Variants in CHN1 observed in about 807,000 individuals in gnomAD.
CHN1 encodes the protein chimerin 1, also known as N-chimaerin.
CHN1 carries 37 observed loss-of-function variants against 59.5 expected under a neutral mutation model. That is an observed-to-expected ratio of 0.62 (90% confidence interval 0.48 to 0.82). The LOEUF is 0.82. CHN1 is among the 40% of genes least tolerant of loss of function. The pLI, the probability that CHN1 is intolerant of heterozygous loss-of-function variation, is 0.00. For missense variants in CHN1, 469 were observed against 571.0 expected (o/e 0.82, Z 1.82); for synonymous variants, 206 against 200.4 (o/e 1.03, Z -0.24).
intron 11 of CHN1, among the ~76,000 whole-genome samples, chr2:174,803,896 T>C (rs1156386676): frequency 1.3e-5 from 2 of 152,080 alleles, no homozygotes; most frequent in African/African-American, 4.8e-5. Context: ...GCTACACAAA[T>C]CTGGAAATTA....
At chr2:174,909,309 C>T (rs1410895058) in intron 5 of CHN1, among the ~76,000 whole-genome samples, 1 of 152,078 alleles carries the variant, frequency 6.6e-6, no homozygotes, top group African/African-American at 2.4e-5. Flanking sequence ...AAAAGAAAAC[C>T]AGATTTTGTT....
At chr2:174,892,267 T>C (rs1439943603) in intron 5 of CHN1, among the ~76,000 whole-genome samples, 1 of 152,224 alleles carries the variant, frequency 6.6e-6, no homozygotes, top group Non-Finnish European at 1.5e-5. Context: ...AAATTAATGT[T>C]GAAACTTAAT....
At chr2:174,836,580 T>C (rs186295576) in intron 7 of CHN1, among the ~76,000 whole-genome samples, 3 of 152,328 alleles carry the variant, frequency 2.0e-5, no homozygotes, top group Non-Finnish European at 2.9e-5. Context: ...TCATATTCAG[T>C]AGGCTGTTCA....
intron 8 of CHN1, among the ~76,000 whole-genome samples, chr2:174,816,641 C>T (rs1260283914): frequency 6.6e-6 from 1 of 152,098 alleles, no homozygotes; most frequent in Admixed American, 6.5e-5. Flanking sequence ...AGGGAACTCG[C>T]TGCTAGGTTG....
chr2:174,843,810 T>C (rs1686399381), intron 7 of CHN1, among the ~76,000 whole-genome samples: 1 of 152,066 alleles, frequency 6.6e-6, no homozygotes, highest in Non-Finnish European at 1.5e-5. Context: ...GATTAAGCAA[T>C]TGACCCAAGG....
chr2:174,971,301 G>C (rs1690752910), intron 1 of CHN1, among the ~76,000 whole-genome samples: 1 of 152,198 alleles, frequency 6.6e-6, no homozygotes, highest in African/African-American at 2.4e-5. Flanking sequence ...CTGGGTGACA[G>C]AGCGTGACTC....
chr2:174,811,478 G>C (rs1685072009), intron 10 of CHN1, 33 bp downstream of exon 10: 1 of 1,477,488 alleles, frequency 6.8e-7, no homozygotes, highest in Admixed American at 1.8e-5. Flanking sequence ...GAGTATTATT[G>C]TCCTAAGTTA....
chr2:174,874,759 GGTGA>G (rs1369587282), intron 6 of CHN1, among the ~76,000 whole-genome samples: 7 of 152,058 alleles, frequency 4.6e-5, no homozygotes, highest in African/African-American at 1.7e-4. Context: ...ATAATGGCAG[GGTGA>G]TCAAATAAGT....
At chr2:174,929,502 C>T (rs139071296) in intron 3 of CHN1, among the ~76,000 whole-genome samples, 147 of 151,892 alleles carry the variant, frequency 9.7e-4, no homozygotes, top group African/African-American at 3.4e-3. Context: ...CACTTGAACT[C>T]GGGAGTTGGA....
intron 1 of CHN1, among the ~76,000 whole-genome samples, chr2:174,962,960 G>A (rs868632078): frequency 4.7e-4 from 71 of 151,970 alleles, no homozygotes; most frequent in African/African-American, 1.5e-3. Flanking sequence ...TGATATGTAC[G>A]ACTATTTAAA....
Position 174,915,229 on chromosome 2 carries a change from T to G in CHN1, c.147-58A>C. 9.4e-6 allele frequency: 12 copies of G among 1,280,738 alleles called. No individual in the cohort carries two copies. In the South Asian group the frequency reaches 1.5e-4, roughly 16 times the overall value. 79.3% of individuals were successfully genotyped at this position (1,280,738 alleles called of 1,614,324 possible). A position where few individuals can be genotyped will look rare whatever the true frequency, so the allele number is the denominator to read the frequency against. On this transcript the variant is annotated intron_variant, in intron 4 of 12. Coordinates refer to ENST00000409900, the MANE Select transcript of CHN1 (RefSeq NM_001822.7). The stretch of plus-strand genomic sequence containing the variant: ...TTCTACATTTTTCAATAAAACAAGA[T>G]AAAACAACGTCCCACCACCACCACC...
At chr2:174,938,350 C>G (rs1377810915) in intron 3 of CHN1, among the ~76,000 whole-genome samples, 1 of 150,240 alleles carries the variant, frequency 6.7e-6, no homozygotes, top group East Asian at 1.9e-4. Context: ...ACTTTCATTT[C>G]TAATGGACAT....
At chr2:174,951,502 T>A (rs1438790837) in intron 2 of CHN1, among the ~76,000 whole-genome samples, 1 of 152,236 alleles carries the variant, frequency 6.6e-6, no homozygotes, top group African/African-American at 2.4e-5. Flanking sequence ...TGCTTTTCCA[T>A]AATAATGCAT....
Position 175,004,791 on chromosome 2 carries a change from C to A in CHN1, c.19+103G>T, listed in dbSNP as rs1692006571. ...GCGGCCCCGGCCCGCCCCGACCCCA[C>A]GCGCCGCGCCCCCTCCCCGGGCGCC... is the stretch of plus-strand genomic sequence containing the variant. On this transcript the variant is annotated intron_variant, in intron 1 of 12. Coordinates refer to ENST00000409900, the MANE Select transcript of CHN1 (RefSeq NM_001822.7). 5.3e-6 allele frequency: 3 copies of A among 569,006 alleles called. No individual in the cohort carries two copies. In the African/African-American group the frequency reaches 6.1e-5, roughly 12 times the overall value. 35.2% of individuals were successfully genotyped at this position (569,006 alleles called of 1,614,324 possible).
At chr2:174,986,246 A>G (rs1691336551) in intron 1 of CHN1, among the ~76,000 whole-genome samples, 1 of 152,196 alleles carries the variant, frequency 6.6e-6, no homozygotes, top group Non-Finnish European at 1.5e-5. Flanking sequence ...TACTCTCCTA[A>G]TTTTATAATA....
At chr2:174,943,888 A>T (rs1255284677) in intron 3 of CHN1, among the ~76,000 whole-genome samples, 1 of 152,146 alleles carries the variant, frequency 6.6e-6, no homozygotes, top group Non-Finnish European at 1.5e-5. Flanking sequence ...GAACTCCTGG[A>T]TCAAGCTGTC....
At chr2:174,957,068 C>G (rs1014323553) in intron 1 of CHN1, among the ~76,000 whole-genome samples, 2 of 152,132 alleles carry the variant, frequency 1.3e-5, no homozygotes, top group African/African-American at 4.8e-5. Context: ...TTCATTAACA[C>G]TGAACTCACA....
In CHN1 at chr2:174,979,246, T is replaced by C. The variant is rs140009734; in HGVS notation, c.19+25648A>G. On this transcript the variant is annotated intron_variant, in intron 1 of 12. Transcript: ENST00000409900. ...TTGAAAATAAAATTATTAAGTAATA[T>C]AGGAAAATGAGAGGTGTTAGCCTTA... 2.9e-3 allele frequency among the ~76,000 whole-genome samples: 444 copies of C among 152,050 alleles called. 1 individual carries two copies. Among genetic ancestry groups the C allele is most frequent in the African/African-American group, 0.01 (421 of 41,332 alleles).
chr2:174,840,145 T>C (rs922449103), intron 7 of CHN1, among the ~76,000 whole-genome samples: 1 of 151,182 alleles, frequency 6.6e-6, no homozygotes, highest in African/African-American at 2.4e-5. Flanking sequence ...TGCCAGTGTT[T>C]ATGCATAAAA....
Sources: allele counts gnomAD v4.1 joint callset (sites outside exome capture counted in the v4.1 genomes callset), GRCh38; gene constraint gnomAD v4.1.1; transcripts MANE v1.5; gene names NCBI Gene and HGNC (gene_info 2026-07-23, HGNC 2026-07-21).